The following RELCH variants were observed in gnomAD, a reference collection of about 807,000 sequenced individuals.
The protein encoded by RELCH is RAB11-binding protein RELCH.
A neutral mutation model predicts 150.3 loss-of-function variants in RELCH; 41 were observed. That is an observed-to-expected ratio of 0.27 (90% CI 0.21 to 0.35). RELCH has a LOEUF of 0.35. Among genes scored for constraint, RELCH ranks in the 10% least tolerant of loss-of-function variants. The pLI is 1.00. For missense variants in RELCH, 1,092 were observed against 1,467.8 expected, an observed-to-expected ratio of 0.74 and a Z score of 4.18; for synonymous variants, 478 against 531.8, an observed-to-expected ratio of 0.90 and a Z score of 1.39.
At chr18:62,197,864 C>A (rs9949434) in intron 1 of RELCH, among the ~76,000 whole-genome samples, 3 of 152,106 alleles carry the variant, frequency 2.0e-5, no homozygotes, top group African/African-American at 7.2e-5. Flanking sequence ...TAAAACAACA[C>A]TAGGTCTGTG....
intron 12 of RELCH, 35 bp from the exon 13 acceptor site, chr18:62,255,372 G>A: frequency 6.9e-7 from 1 of 1,441,366 alleles, no homozygotes; most frequent in Non-Finnish European, 9.7e-7. Flanking sequence ...AGGGTATGCT[G>A]TTTATGCTTG....
At chr18:62,299,562 A>T (rs2045574240) in intron 28 of RELCH, among the ~76,000 whole-genome samples, 2 of 152,206 alleles carry the variant, frequency 1.3e-5, no homozygotes, top group African/African-American at 4.8e-5. Flanking sequence ...TGCAACACGC[A>T]TATATCTTTG....
Position 62,308,365 on chromosome 18 carries a change from G to T in RELCH, c.*2831G>T, listed in dbSNP as rs2045932810. ...TTTTCTTAACTATTCTTTGTGTAAAGATTGTACTAATTTTTTCAGTTCATT... is the reference window on the plus strand; with the variant it reads ...TTTTCTTAACTATTCTTTGTGTAAATATTGTACTAATTTTTTCAGTTCATT... On this transcript the variant is annotated 3_prime_UTR_variant, in exon 29 of 29. Transcript: ENST00000644646. 6.6e-6 allele frequency: 1 copy of T among 152,318 alleles called. No homozygotes were observed. The highest frequency in any genetic ancestry group is 1.9e-4 in the East Asian group (1 of 5,184). The allele number at this position is 152,318 out of a possible 1,614,324, so 9.4% of individuals were successfully genotyped here.
Position 62,274,055 on chromosome 18 carries a change from G to C in RELCH, c.2836G>C (p.Asp946His). 6.2e-7 allele frequency: 1 copy of C among 1,612,400 alleles called. No homozygotes were observed. Among genetic ancestry groups the C allele is most frequent in the South Asian group, 1.1e-5 (1 of 91,008 alleles). Residue 946 changes from aspartate (D) to histidine (H), a missense_variant, in exon 21 of 29, where the codon GAT becomes CAT. Asp to His is a moderately conservative substitution (Grantham distance 81). Transcript: ENST00000644646. ...TLLSLSHAPL[D>H]SLKASFVELG... is the part of the protein sequence containing the mutation. ...GCTTTCATTATCTCATGCTCCTCTT[G>C]ATAGCCTGAAGGCTTCTTTTGTGGA...
At chr18:62,287,934 T>C (rs1043365130) in intron 26 of RELCH, among the ~76,000 whole-genome samples, 1 of 152,138 alleles carries the variant, frequency 6.6e-6, no homozygotes, top group African/African-American at 2.4e-5. Context: ...ACAAAGCTAA[T>C]GATCTCCAGT....
chr18:62,240,417 T>TTTTTTTTTTTTTTTTTTTTTTTTC, intron 10 of RELCH, among the ~76,000 whole-genome samples: 1 of 150,126 alleles, frequency 6.7e-6, no homozygotes, highest in South Asian at 2.1e-4. Context: ...TCTTTTTCTT[T>TTTTTTTTTTTTTTTTTTTTTTTTC]TTTTTTTTGG....
intron 1 of RELCH, 138 bp from the exon 2 acceptor site, chr18:62,211,015 C>CTGT (rs1185351044): frequency 1.9e-6 from 1 of 519,518 alleles, no homozygotes; most frequent in South Asian, 2.9e-5. Context: ...TTACTTTGTT[C>CTGT]TGTTGTTGTT....
At chr18:62,259,271 G>A (rs1161425856) in intron 15 of RELCH, among the ~76,000 whole-genome samples, 1 of 151,914 alleles carries the variant, frequency 6.6e-6, no homozygotes. Context: ...AAAGAGATAG[G>A]AAGTAGGAGA....
Position 62,187,826 on chromosome 18 carries a change from G to T in RELCH, c.321G>T (p.Leu107Phe). The T allele has an allele frequency of 6.3e-7, 1 of 1,592,818 alleles. No individual in the cohort carries two copies. Among genetic ancestry groups the T allele is most frequent in the Non-Finnish European group, 8.5e-7 (1 of 1,169,714 alleles). Residue 107 changes from leucine to phenylalanine, a missense_variant, in exon 1 of 29, where the codon TTG (leucine) becomes TTT (phenylalanine). Transcript: ENST00000644646. ...IAAQLLRDQY[L>F]LTALELHTEL... ...CTCAGCTGTTGCGCGATCAATACTT[G>T]CTGACCGCCCTGGAGCTGCATACCG...
At chr18:62,223,568 C>G (rs2041017128) in intron 5 of RELCH, among the ~76,000 whole-genome samples, 1 of 152,048 alleles carries the variant, frequency 6.6e-6, no homozygotes, top group South Asian at 2.1e-4. Flanking sequence ...TACTTCCAAA[C>G]TCATTCAATG....
At chr18:62,303,153 G>A (rs543093960) in intron 28 of RELCH, among the ~76,000 whole-genome samples, 6 of 149,818 alleles carry the variant, frequency 4.0e-5, no homozygotes, top group Non-Finnish European at 7.5e-5. Flanking sequence ...CGGAATTGCT[G>A]TAATGCAATG....
At chr18:62,190,975 A>G (rs2038589983) in intron 1 of RELCH, among the ~76,000 whole-genome samples, 1 of 152,238 alleles carries the variant, frequency 6.6e-6, no homozygotes, top group African/African-American at 2.4e-5. Flanking sequence ...ATAGAATCAT[A>G]GAACGTATTT....
intron 26 of RELCH, among the ~76,000 whole-genome samples, chr18:62,288,830 C>A (rs1020041029): frequency 1.9e-4 from 29 of 152,076 alleles, no homozygotes; most frequent in Non-Finnish European, 1.5e-4. Flanking sequence ...AGTAAGAATT[C>A]TTTAGTATTG....
intron 16 of RELCH, among the ~76,000 whole-genome samples, chr18:62,262,078 G>T (rs2043301125): frequency 6.6e-6 from 1 of 151,836 alleles, no homozygotes; most frequent in Admixed American, 6.6e-5. Context: ...AATAGAGGAA[G>T]GTAAATATAA....
intron 22 of RELCH, chr18:62,277,837 C>A: frequency 1.1e-6 from 1 of 880,204 alleles, no homozygotes; most frequent in Non-Finnish European, 1.4e-6. Context: ...ATAAATTTCC[C>A]AAAAGATGCA....
chr18:62,189,139 A>C (rs1401601334), intron 1 of RELCH, among the ~76,000 whole-genome samples: 4 of 152,074 alleles, frequency 2.6e-5, no homozygotes, highest in African/African-American at 9.7e-5. Context: ...TAATTTCCTT[A>C]CCCAATATGT....
chr18:62,247,091 T>C (rs1293031832), intron 11 of RELCH: 1 of 152,208 alleles, frequency 6.6e-6, no homozygotes, highest in Non-Finnish European at 1.5e-5. Flanking sequence ...CTTTAATATA[T>C]CTGAGATATC....
At chr18:62,268,145 T>A (rs1424046545) in intron 19 of RELCH, among the ~76,000 whole-genome samples, 3 of 152,066 alleles carry the variant, frequency 2.0e-5, no homozygotes. Context: ...TTCTTGGGAA[T>A]ATAACAGCAA....
chr18:62,303,793 T>C (rs746898080), intron 28 of RELCH, among the ~76,000 whole-genome samples: 8 of 152,246 alleles, frequency 5.3e-5, no homozygotes, highest in Admixed American at 2.6e-4. Flanking sequence ...CTACATTTCC[T>C]GAATGCAAAG....
Sources: gnomAD v4.1 joint callset for allele counts (sites outside exome capture counted in the v4.1 genomes callset) on GRCh38, gnomAD v4.1.1 for gene constraint, MANE v1.5 for transcripts, NCBI Gene and HGNC (gene_info 2026-07-23, HGNC 2026-07-21) for gene names.